Variants in LAMA2 observed in about 807,000 individuals in gnomAD.
LAMA2 encodes laminin subunit alpha 2.
A neutral mutation model predicts 364.8 loss-of-function variants in LAMA2; 269 were observed. The observed-to-expected ratio is 0.74, with a 90% CI of 0.67 to 0.82. The LOEUF is 0.82. Ranked by LOEUF, LAMA2 falls within the 40% of genes least tolerant of loss-of-function variation. The pLI is 0.00. For synonymous variants in LAMA2, 1,379 were observed against 1,370.6 expected (o/e 1.01, Z -0.14); for missense variants, 3,807 against 3,873.2 (o/e 0.98, Z 0.45).
chr6:129,381,291 A>G (rs373037571), intron 34 of LAMA2, among the ~76,000 whole-genome samples: 7 of 152,104 alleles, frequency 4.6e-5, no homozygotes, highest in African/African-American at 1.7e-4. Context: ...AGTCAAGTCT[A>G]GACTAGAAAA....
intron 9 of LAMA2, among the ~76,000 whole-genome samples, chr6:129,167,593 G>C (rs1779842473): frequency 6.6e-6 from 1 of 151,980 alleles, no homozygotes. Context: ...CCAAGTCTTT[G>C]CTATTGTGGA....
At chr6:129,040,469 A>T (rs1787011052) in intron 1 of LAMA2, among the ~76,000 whole-genome samples, 1 of 152,148 alleles carries the variant, frequency 6.6e-6, no homozygotes, top group Admixed American at 6.5e-5. Flanking sequence ...TAATTAAAAA[A>T]AAAATAGAAA....
chr6:129,427,083 C>T (rs904996084), intron 40 of LAMA2, among the ~76,000 whole-genome samples: 2 of 152,124 alleles, frequency 1.3e-5, no homozygotes, highest in Non-Finnish European at 2.9e-5. Context: ...ATTCCTTTTC[C>T]CATATCATTC....
chr6:129,126,098 A>G lies in LAMA2; in HGVS notation c.640-17803A>G, dbSNP rs17056827. ...AAAGCACAGGTTAAATCAAATTTCAACACAGTATCATTTCAGTATAAAATC... is the reference window on the plus strand; with the variant it reads ...AAAGCACAGGTTAAATCAAATTTCAGCACAGTATCATTTCAGTATAAAATC... On this transcript the variant is annotated intron_variant, in intron 4 of 64. Coordinates refer to ENST00000421865, the MANE Select transcript of LAMA2 (RefSeq NM_000426.4). 1.0e-2 allele frequency among the ~76,000 whole-genome samples: 1,517 copies of G among 152,320 alleles called. 85 individuals carry two copies. In the East Asian group the frequency reaches 0.19, roughly 19 times the overall value.
chr6:129,260,461 A>G (rs544963587), intron 14 of LAMA2, among the ~76,000 whole-genome samples: 1 of 152,276 alleles, frequency 6.6e-6, no homozygotes, highest in East Asian at 1.9e-4. Flanking sequence ...GCCAAGAGCC[A>G]AGAGACGAGG....
chr6:129,213,928 A>T (rs1054760811), intron 12 of LAMA2, among the ~76,000 whole-genome samples: 1 of 152,148 alleles, frequency 6.6e-6, no homozygotes, highest in African/African-American at 2.4e-5. Flanking sequence ...AGTTACTGCA[A>T]ACTCAGGGTT....
At chr6:129,158,218 A>G in intron 8 of LAMA2, 2 of 1,613,968 alleles carry the variant, frequency 1.2e-6, no homozygotes, top group Non-Finnish European at 1.7e-6. Flanking sequence ...AGCTGAGTCC[A>G]GGAACCTGTA....
chr6:129,437,299 TATATACATCATC>T (rs1183064870), intron 41 of LAMA2, among the ~76,000 whole-genome samples: 1 of 152,124 alleles, frequency 6.6e-6, no homozygotes, highest in African/African-American at 2.4e-5. Context: ...ATAATAGTAG[TATATACATCATC>T]ATATACATCA....
chr6:128,888,296 T>C (rs1776262500), intron 1 of LAMA2, among the ~76,000 whole-genome samples: 1 of 152,132 alleles, frequency 6.6e-6, no homozygotes, highest in South Asian at 2.1e-4. Flanking sequence ...CCTATATGCA[T>C]TGGAATGTGG....
At chr6:129,456,607 A>G in intron 48 of LAMA2, 113 bp downstream of exon 48, 1 of 988,714 alleles carries the variant, frequency 1.0e-6, no homozygotes, top group South Asian at 1.3e-5. Context: ...GTTTTACTTA[A>G]CTTGCATTTA....
At chr6:129,393,510 A>G (rs560798107) in intron 37 of LAMA2, among the ~76,000 whole-genome samples, 1 of 152,334 alleles carries the variant, frequency 6.6e-6, no homozygotes, top group South Asian at 2.1e-4. Context: ...ATTTAAGAAC[A>G]CTGTGATACA....
intron 28 of LAMA2, among the ~76,000 whole-genome samples, chr6:129,323,952 T>G (rs1365618942): frequency 1.3e-5 from 2 of 152,216 alleles, no homozygotes; most frequent in African/African-American, 4.8e-5. Context: ...AAAACTGATT[T>G]TTTTAAATCT....
Position 129,186,159 on chromosome 6 carries a change from A to C in LAMA2, c.1468-4046A>C, listed in dbSNP as rs184962970. 2.6e-4 allele frequency among the ~76,000 whole-genome samples: 39 copies of C among 151,890 alleles called. 1 individual carries two copies. Among genetic ancestry groups the C allele is most frequent in the Non-Finnish European group, 4.4e-5 (3 of 67,764 alleles). ...GATTAACAGTTAAAACAACTTTAAAAATTTTTATTAAATTATGTTTTTGCA... is the reference window on the plus strand; with the variant it reads ...GATTAACAGTTAAAACAACTTTAAACATTTTTATTAAATTATGTTTTTGCA... On this transcript the variant is annotated intron_variant, in intron 10 of 64. Transcript: ENST00000421865.
intron 1 of LAMA2, among the ~76,000 whole-genome samples, chr6:128,948,295 A>G (rs1780604064): frequency 6.6e-6 from 1 of 152,140 alleles, no homozygotes; most frequent in South Asian, 2.1e-4. Context: ...TAGGAATACT[A>G]ATTTCTCCCT....
intron 32 of LAMA2, among the ~76,000 whole-genome samples, chr6:129,365,445 C>A (rs1777709919): frequency 6.6e-6 from 1 of 152,140 alleles, no homozygotes; most frequent in Non-Finnish European, 1.5e-5. Context: ...TCACTGCAAC[C>A]TCCGCCTCCC....
At chr6:128,949,696 G>C (rs1780692927) in intron 1 of LAMA2, among the ~76,000 whole-genome samples, 1 of 152,144 alleles carries the variant, frequency 6.6e-6, no homozygotes, top group Non-Finnish European at 1.5e-5. Flanking sequence ...GATACATTCA[G>C]TGATTTAAAA....
intron 12 of LAMA2, among the ~76,000 whole-genome samples, chr6:129,233,479 T>A (rs1338094314): frequency 6.6e-6 from 1 of 152,130 alleles, no homozygotes; most frequent in African/African-American, 2.4e-5. Flanking sequence ...ATTCTTATAA[T>A]AAAGTGTGTT....
At chr6:129,171,582 A>G (rs1780156905) in intron 9 of LAMA2, among the ~76,000 whole-genome samples, 1 of 151,740 alleles carries the variant, frequency 6.6e-6, no homozygotes, top group East Asian at 1.9e-4. Context: ...GGGTAACCCG[A>G]CCTTTCTCTC....
intron 1 of LAMA2, among the ~76,000 whole-genome samples, chr6:128,968,277 A>G (rs1781976114): frequency 6.6e-6 from 1 of 152,142 alleles, no homozygotes; most frequent in Non-Finnish European, 1.5e-5. Flanking sequence ...ACACTTATTC[A>G]TGTCACTCAT....
Sources: allele counts gnomAD v4.1 joint callset (sites outside exome capture counted in the v4.1 genomes callset), GRCh38; gene constraint gnomAD v4.1.1; transcripts MANE v1.5; gene names NCBI Gene and HGNC (gene_info 2026-07-23, HGNC 2026-07-21).